Variants in PCDH11Y observed in about 807,000 individuals in gnomAD.
PCDH11Y encodes protocadherin 11 Y-linked, also known as protocadherin-11 Y-linked.
For missense variants in PCDH11Y, 12 were observed against 224.8 expected (o/e 0.05, Z 6.05); for synonymous variants, 9 against 83.6 (o/e 0.11, Z 4.87).
chrY:5,478,006 T>C, intron 2 of PCDH11Y, among the ~76,000 whole-genome samples: 3 of 33,720 alleles, frequency 8.9e-5, no homozygotes, highest in Admixed American at 8.1e-4. Flanking sequence ...GGGTTTTTTA[T>C]GTCTCTATCT....
chrY:5,577,955 G>T, intron 3 of PCDH11Y, among the ~76,000 whole-genome samples: 1 of 32,843 alleles, frequency 3.0e-5, no homozygotes, highest in Non-Finnish European at 7.5e-5. Flanking sequence ...GTGTGTGTTT[G>T]CTTTTCCTTC....
chrY:5,243,298 T>C, intron 2 of PCDH11Y, among the ~76,000 whole-genome samples: 1 of 34,054 alleles, frequency 2.9e-5, no homozygotes. Flanking sequence ...TGTAGGTGTT[T>C]GCATGTGTAC....
chrY:5,645,450 G>A (rs2053526596), intron 4 of PCDH11Y, among the ~76,000 whole-genome samples: 1 of 32,640 alleles, frequency 3.1e-5, no homozygotes, highest in Admixed American at 2.8e-4. Flanking sequence ...CAAAAATGAA[G>A]TGAAGAAAAG....
chrY:5,211,869 C>T, intron 2 of PCDH11Y, among the ~76,000 whole-genome samples: 1 of 32,873 alleles, frequency 3.0e-5, no homozygotes, highest in African/African-American at 1.2e-4. Context: ...GAACTCCTGA[C>T]CTCAAGTGAT....
chrY:5,278,312 G>A (rs2053047250), intron 2 of PCDH11Y, among the ~76,000 whole-genome samples: 3 of 31,072 alleles, frequency 9.7e-5, no homozygotes, highest in East Asian at 8.5e-4. Flanking sequence ...CACCACACCC[G>A]GCTAATTTTT....
intron 4 of PCDH11Y, among the ~76,000 whole-genome samples, chrY:5,640,356 A>C (rs2053522404): frequency 3.0e-5 from 1 of 33,425 alleles, no homozygotes. Flanking sequence ...AACCTTATCC[A>C]AATAATTTTC....
At chrY:5,407,878 C>A (rs2053241762) in intron 2 of PCDH11Y, among the ~76,000 whole-genome samples, 1 of 22,237 alleles carries the variant, frequency 4.5e-5, no homozygotes, top group Non-Finnish European at 9.5e-5. Flanking sequence ...CGCGCCACTG[C>A]GCTCCAGCCT....
At chrY:5,691,454 T>C (rs2053567525) in intron 4 of PCDH11Y, among the ~76,000 whole-genome samples, 1 of 32,510 alleles carries the variant, frequency 3.1e-5, no homozygotes, top group Non-Finnish European at 7.5e-5. Flanking sequence ...CAGTTCTTAG[T>C]AGGCACGTCT....
At chrY:5,603,970 A>C (rs1602949305) in intron 4 of PCDH11Y, among the ~76,000 whole-genome samples, 1 of 32,377 alleles carries the variant, frequency 3.1e-5, no homozygotes, top group Non-Finnish European at 7.6e-5. Context: ...AGAGAGAGAG[A>C]AAGCAAGCAA....
intron 3 of PCDH11Y, among the ~76,000 whole-genome samples, chrY:5,043,261 T>C (rs2124624132): frequency 3.6e-4 from 12 of 33,304 alleles, no homozygotes; most frequent in Admixed American, 8.3e-4. Context: ...CATAGATAGC[T>C]CTTATTATTT....
chrY:5,109,184 A>G, downstream of PCDH11Y, among the ~76,000 whole-genome samples: 1 of 32,948 alleles, frequency 3.0e-5, no homozygotes, highest in Non-Finnish European at 7.5e-5. Flanking sequence ...GCATATAATT[A>G]GTATTTTTAG....
chrY:5,472,013 T>C, intron 2 of PCDH11Y, among the ~76,000 whole-genome samples: 1 of 32,062 alleles, frequency 3.1e-5, no homozygotes, highest in Non-Finnish European at 7.8e-5. Context: ...TATGCATAAC[T>C]CAAATGATCA....
chrY:5,550,771 CAGA>C (rs2053417968), intron 3 of PCDH11Y, among the ~76,000 whole-genome samples: 2 of 31,535 alleles, frequency 6.3e-5, no homozygotes, highest in African/African-American at 2.5e-4. Flanking sequence ...CTTAAGTAAG[CAGA>C]AGAAAAGCTT....
At chrY:5,129,478 C>CACAG (rs2052830805) in intron 2 of PCDH11Y, among the ~76,000 whole-genome samples, 1 of 12,469 alleles carries the variant, frequency 8.0e-5, no homozygotes, top group African/African-American at 3.7e-4. Flanking sequence ...CACACACACA[C>CACAG]AGAGAGAGAG....
intron 4 of PCDH11Y, among the ~76,000 whole-genome samples, chrY:5,620,862 A>C (rs2124702181): frequency 3.0e-5 from 1 of 33,360 alleles, no homozygotes; most frequent in African/African-American, 1.2e-4. Flanking sequence ...TATGTTTAAA[A>C]CTCTAGATAC....
chrY:5,023,729 G>T (rs2052574155), intron 1 of PCDH11Y, among the ~76,000 whole-genome samples: 1 of 33,185 alleles, frequency 3.0e-5, no homozygotes, highest in Non-Finnish European at 7.5e-5. Flanking sequence ...CACAGTTATG[G>T]TTACCTATGC....
At chrY:5,179,565 C>A (rs2052897698) in intron 2 of PCDH11Y, among the ~76,000 whole-genome samples, 17 of 33,388 alleles carry the variant, frequency 5.1e-4, no homozygotes, top group African/African-American at 2.0e-3. Flanking sequence ...AAATTTTCTC[C>A]CATTCTGTAG....
rs2053031404 is a variant in PCDH11Y at position 5,269,019 on chromosome Y, TTAATAAA to T, written c.3129+168317_3129+168323del. ...GTTTACAAAGGAACTCCTGTGTTTC[TTAATAAA>T]TAATCATATAAGTAACAGAAGGTAA... On this transcript the variant is annotated intron_variant, in intron 2 of 4. Transcript: ENST00000400457. Among the ~76,000 whole-genome samples, 3 of 27,158 alleles carry T rather than the reference TTAATAAA, an allele frequency of 1.1e-4. No individual in the cohort carries two copies. In the Admixed American group the frequency reaches 1.1e-3, roughly 10 times the overall value. The allele number at this position is 27,158 out of a possible 37,273, so 72.9% of individuals were successfully genotyped here.
At chrY:5,019,668 C>T in intron 1 of PCDH11Y, among the ~76,000 whole-genome samples, 1 of 29,929 alleles carries the variant, frequency 3.3e-5, no homozygotes, top group Non-Finnish European at 7.9e-5. Context: ...ACACAATGGC[C>T]TTCAAAGTGG....
Sources: allele counts gnomAD v4.1 joint callset (sites outside exome capture counted in the v4.1 genomes callset), GRCh38; gene constraint gnomAD v4.1.1; transcripts MANE v1.5; gene names NCBI Gene and HGNC (gene_info 2026-07-23, HGNC 2026-07-21).